The following PTPRD variants were observed in gnomAD, a reference collection of about 807,000 sequenced individuals.
PTPRD encodes the protein protein tyrosine phosphatase receptor type D, also known as receptor-type tyrosine-protein phosphatase delta.
PTPRD carries 34 observed loss-of-function variants against 214.5 expected under a neutral mutation model. That is an observed-to-expected ratio of 0.16 (90% CI 0.12 to 0.21). The LOEUF is 0.21. Ranked by LOEUF, PTPRD falls within the 10% of genes least tolerant of loss-of-function variation. The pLI is 1.00. For synonymous variants in PTPRD, 1,128 were observed against 845.7 expected, an observed-to-expected ratio of 1.33 and a Z score of -5.79; for missense variants, 2,545 against 2,398.7, an observed-to-expected ratio of 1.06 and a Z score of -1.27.
chr9:9,562,938 G>A lies in PTPRD; in HGVS notation c.-237+11794C>T, dbSNP rs572088097. ...AGACATCTTTGCCGCTTGTATTTAC[G>A]GTGTAACTCAAGCAGAAAGACAATG... On this transcript the variant is annotated intron_variant, in intron 8 of 45. Coordinates refer to ENST00000381196, the MANE Select transcript of PTPRD (RefSeq NM_002839.4). Among the ~76,000 whole-genome samples the A allele has an allele frequency of 7.9e-5, 12 of 152,032 alleles. No homozygotes were observed. The East Asian group carries it at 9.6e-4, about 12-fold the overall frequency.
intron 3 of PTPRD, among the ~76,000 whole-genome samples, chr9:10,065,314 A>C (rs1374593411): frequency 6.6e-6 from 1 of 151,972 alleles, no homozygotes; most frequent in Non-Finnish European, 1.5e-5. Context: ...CAGTGGATCC[A>C]TGGTTGCTTT....
At chr9:9,882,072 T>A (rs2068912127) in intron 5 of PTPRD, among the ~76,000 whole-genome samples, 1 of 152,146 alleles carries the variant, frequency 6.6e-6, no homozygotes, top group Non-Finnish European at 1.5e-5. Context: ...GTAGACAGAC[T>A]AATATATATT....
At chr9:9,078,584 G>T (rs775723097) in intron 10 of PTPRD, among the ~76,000 whole-genome samples, 7 of 152,012 alleles carry the variant, frequency 4.6e-5, no homozygotes, top group African/African-American at 7.2e-5. Flanking sequence ...TTTCAAACTA[G>T]GGGAAGCCTT....
intron 11 of PTPRD, among the ~76,000 whole-genome samples, chr9:8,891,075 T>C (rs1055627577): frequency 1.3e-5 from 2 of 152,046 alleles, no homozygotes; most frequent in African/African-American, 4.8e-5. Context: ...AATTAGCCCC[T>C]GTATTTGAAC....
chr9:9,283,012 T>C (rs1343928712), intron 9 of PTPRD, among the ~76,000 whole-genome samples: 1 of 151,500 alleles, frequency 6.6e-6, no homozygotes, highest in African/African-American at 2.4e-5. Flanking sequence ...GACTCTTATC[T>C]TGAGGTCAGA....
intron 3 of PTPRD, among the ~76,000 whole-genome samples, chr9:10,330,763 C>A (rs1469947678): frequency 2.6e-5 from 4 of 151,750 alleles, no homozygotes; most frequent in African/African-American, 7.3e-5. Flanking sequence ...GCATCCCTGG[C>A]CTACTGCTGA....
chr9:9,933,151 A>C (rs2087471703), intron 5 of PTPRD, among the ~76,000 whole-genome samples: 1 of 152,268 alleles, frequency 6.6e-6, no homozygotes, highest in African/African-American at 2.4e-5. Flanking sequence ...CATCGAGACT[A>C]GGAAGTAACT....
rs548989270 is a variant in PTPRD at position 9,802,987 on chromosome 9, G to A, written c.-367-36136C>T. 3.3e-5 allele frequency among the ~76,000 whole-genome samples: 5 copies of A among 151,832 alleles called. No homozygotes were observed. The South Asian group carries it at 1.0e-3, about 32-fold the overall frequency. On this transcript the variant is annotated intron_variant, in intron 5 of 45. Transcript: ENST00000381196. The stretch of plus-strand genomic sequence containing the variant: ...AAATTTACTATTACTGAACTACAAG[G>A]AATTTACTTGGAAAACCTAGTTCCA...
intron 10 of PTPRD, among the ~76,000 whole-genome samples, chr9:9,030,504 C>T (rs2099601790): frequency 6.6e-6 from 1 of 151,582 alleles, no homozygotes; most frequent in Non-Finnish European, 1.5e-5. Context: ...TGTTTTTGTA[C>T]TCCATCTGGC....
Position 8,846,244 on chromosome 9 carries a change from G to T in PTPRD, c.-103-112298C>A, listed in dbSNP as rs183644741. Among the ~76,000 whole-genome samples the T allele has an allele frequency of 3.5e-3, 535 of 152,280 alleles. 3 individuals carry two copies. Among genetic ancestry groups the T allele is most frequent in the Non-Finnish European group, 4.3e-3 (291 of 68,028 alleles). ...CATCGTAAACTGTAGAACCTAAACA[G>T]ATGGGTTGTAAGATTTGGGCCGTGA... On this transcript the variant is annotated intron_variant, in intron 11 of 45. Transcript: ENST00000381196.
rs189041658 is a variant in PTPRD at position 8,870,103 on chromosome 9, G to A, written c.-103-136157C>T. On this transcript the variant is annotated intron_variant, in intron 11 of 45. Coordinates refer to ENST00000381196, the MANE Select transcript of PTPRD (RefSeq NM_002839.4). ...GAATTGGTCATGAGCTATTTGTGTT[G>A]GTATATATCTCTTTCCATCAGTTAA... 3.4e-5 allele frequency among the ~76,000 whole-genome samples: 5 copies of A among 147,452 alleles called. No homozygotes were observed. The East Asian group carries it at 6.1e-4, about 18-fold the overall frequency.
chr9:8,793,331 G>T lies in PTPRD; in HGVS notation c.-103-59385C>A, dbSNP rs565804479. 4.3e-4 allele frequency among the ~76,000 whole-genome samples: 66 copies of T among 152,222 alleles called. No homozygotes were observed. The South Asian group carries it at 0.013, about 31-fold the overall frequency. On this transcript the variant is annotated intron_variant, in intron 11 of 45. Coordinates refer to ENST00000381196, the MANE Select transcript of PTPRD (RefSeq NM_002839.4). Reference sequence around the variant, plus strand: ...GAACTCAACTGATAAGGAATTGAGGGTTCCTTGGTCCAAAATGGAAGTAAG... The same window carrying T: ...GAACTCAACTGATAAGGAATTGAGGTTTCCTTGGTCCAAAATGGAAGTAAG...
At chr9:8,820,957 C>A (rs1031000138) in intron 11 of PTPRD, among the ~76,000 whole-genome samples, 2 of 152,184 alleles carry the variant, frequency 1.3e-5, no homozygotes, top group Non-Finnish European at 2.9e-5. Context: ...CAAACACAGT[C>A]CCAATTCAGA....
chr9:8,887,301 C>G (rs1332997635), intron 11 of PTPRD, among the ~76,000 whole-genome samples: 1 of 152,172 alleles, frequency 6.6e-6, no homozygotes, highest in Non-Finnish European at 1.5e-5. Context: ...CAAACACAGA[C>G]ATGCACAGAT....
chr9:8,768,563 A>C (rs2154481841), intron 11 of PTPRD, among the ~76,000 whole-genome samples: 1 of 152,262 alleles, frequency 6.6e-6, no homozygotes, highest in Non-Finnish European at 1.5e-5. Context: ...AAAATAAATA[A>C]ATAATTTTTA....
intron 7 of PTPRD, among the ~76,000 whole-genome samples, chr9:9,676,825 G>A (rs1315183829): frequency 6.6e-6 from 1 of 152,134 alleles, no homozygotes; most frequent in Non-Finnish European, 1.5e-5. Flanking sequence ...ATTTTAACTG[G>A]TGTGAGATGG....
intron 4 of PTPRD, among the ~76,000 whole-genome samples, chr9:9,982,518 G>A (rs1396821785): frequency 6.7e-6 from 1 of 148,470 alleles, no homozygotes; most frequent in African/African-American, 2.5e-5. Flanking sequence ...GTGTGTGTTG[G>A]CATAAACTAA....
intron 2 of PTPRD, among the ~76,000 whole-genome samples, chr9:10,361,945 T>G (rs557228520): frequency 6.6e-6 from 1 of 152,290 alleles, no homozygotes; most frequent in East Asian, 1.9e-4. Context: ...AAAGAAAAAG[T>G]TATCTCTGAT....
At position 9,083,450 on chromosome 9, in the gene PTPRD, C is replaced by G. The variant is rs1045846645; in HGVS notation, c.-142-64715G>C. 2.0e-5 allele frequency among the ~76,000 whole-genome samples: 3 copies of G among 152,120 alleles called. No homozygotes were observed. The South Asian group carries it at 6.2e-4, about 32-fold the overall frequency. On this transcript the variant is annotated intron_variant, in intron 10 of 45. Coordinates refer to ENST00000381196, the MANE Select transcript of PTPRD (RefSeq NM_002839.4). ...TGTAAGACCCCATACTATAAATCTC[C>G]TAGAAGAAAACCTAGGCAATACCAT...
Sources: allele counts gnomAD v4.1 joint callset (sites outside exome capture counted in the v4.1 genomes callset), GRCh38; gene constraint gnomAD v4.1.1; transcripts MANE v1.5; gene names NCBI Gene and HGNC (gene_info 2026-07-23, HGNC 2026-07-21).